Variants in L3MBTL4 observed in about 807,000 individuals in gnomAD.
L3MBTL4 encodes the protein L3MBTL histone methyl-lysine binding protein 4, also known as lethal(3)malignant brain tumor-like protein 4.
A neutral mutation model predicts 84.5 loss-of-function variants in L3MBTL4; 70 were observed. That is an observed-to-expected ratio of 0.83 (90% confidence interval 0.68 to 1.01). The LOEUF is 1.01. L3MBTL4 is among the 50% of genes least tolerant of loss of function. The pLI is 0.00. For missense variants in L3MBTL4, 715 were observed against 754.8 expected (o/e 0.95, Z 0.62); for synonymous variants, 274 against 259.8 (o/e 1.05, Z -0.52).
At chr18:6,006,085 T>C (rs1332573107) in intron 16 of L3MBTL4, among the ~76,000 whole-genome samples, 2 of 152,162 alleles carry the variant, frequency 1.3e-5, no homozygotes, top group African/African-American at 4.8e-5. Flanking sequence ...GAATGAATTT[T>C]ATGTCTAAGT....
intron 1 of L3MBTL4, among the ~76,000 whole-genome samples, chr18:6,371,267 T>C (rs868801890): frequency 6.6e-6 from 1 of 152,300 alleles, no homozygotes; most frequent in Middle Eastern, 3.4e-3. Context: ...CTTACACCTG[T>C]ACTGTGAGCT....
intron 10 of L3MBTL4, among the ~76,000 whole-genome samples, chr18:6,223,525 T>C (rs1393608348): frequency 6.6e-6 from 1 of 151,932 alleles, no homozygotes; most frequent in African/African-American, 2.4e-5. Flanking sequence ...GCACAAACAA[T>C]GACAAAAAAA....
At chr18:6,158,868 G>T (rs485556) in intron 13 of L3MBTL4, among the ~76,000 whole-genome samples, 1 of 152,180 alleles carries the variant, frequency 6.6e-6, no homozygotes, top group Admixed American at 6.5e-5. Context: ...TAGGTGAGCA[G>T]AAATCTGGTG....
intron 1 of L3MBTL4, chr18:6,326,455 G>A (rs16949921): frequency 0.2 from 30,591 of 152,170 alleles, 3,965 homozygotes; most frequent in African/African-American, 0.37. Context: ...TCTTGCTAGA[G>A]TCTCTGTCCC....
intron 3 of L3MBTL4, among the ~76,000 whole-genome samples, chr18:6,304,074 C>G (rs2050471798): frequency 6.6e-6 from 1 of 150,950 alleles, no homozygotes; most frequent in African/African-American, 2.4e-5. Context: ...AGCTCTAAAC[C>G]AGGTTTTCAA....
At chr18:6,242,724 T>C (rs1421258135) in intron 7 of L3MBTL4, among the ~76,000 whole-genome samples, 1 of 152,232 alleles carries the variant, frequency 6.6e-6, no homozygotes, top group East Asian at 1.9e-4. Context: ...CCCGTCAGCA[T>C]CATCCTTGAC....
At chr18:6,325,803 T>A (rs2051686080) in intron 1 of L3MBTL4, among the ~76,000 whole-genome samples, 1 of 152,220 alleles carries the variant, frequency 6.6e-6, no homozygotes, top group African/African-American at 2.4e-5. Flanking sequence ...TTAAAGTCCT[T>A]TGAAATGGTG....
At chr18:6,375,478 A>T (rs1457201914) in intron 1 of L3MBTL4, among the ~76,000 whole-genome samples, 1 of 151,888 alleles carries the variant, frequency 6.6e-6, no homozygotes, top group Non-Finnish European at 1.5e-5. Flanking sequence ...TGTAAATGTC[A>T]TTTCCTTGGA....
rs186135927 is a variant in L3MBTL4, at chr18:6,070,544, G to A, written c.1444+10337C>T. On this transcript the variant is annotated intron_variant, in intron 16 of 18. Transcript: ENST00000317931. ...AAAAAAAAAATCAGCTAGGCCAAGC[G>A]CAGTGGCTCATGTGTGTAATCCCAC... Among the ~76,000 whole-genome samples the A allele has an allele frequency of 4.4e-3, 639 of 144,074 alleles. 4 individuals carry two copies. The highest frequency in any genetic ancestry group is 0.015 in the African/African-American group (585 of 38,126). The allele number at this position is 144,074 out of a possible 152,430, so 94.5% of individuals were successfully genotyped here. A position where few individuals can be genotyped will look rare whatever the true frequency, so the allele number is the denominator to read the frequency against.
chr18:5,977,508 C>A (rs2053003353), intron 16 of L3MBTL4, among the ~76,000 whole-genome samples: 1 of 152,178 alleles, frequency 6.6e-6, no homozygotes, highest in Non-Finnish European at 1.5e-5. Context: ...CAGGCTCTTG[C>A]AAGGGGCTGA....
At chr18:6,000,366 C>T (rs1049046817) in intron 16 of L3MBTL4, among the ~76,000 whole-genome samples, 2 of 151,714 alleles carry the variant, frequency 1.3e-5, no homozygotes, top group South Asian at 2.1e-4. Flanking sequence ...AAAGGCAATG[C>T]AGAACTCCAG....
At chr18:6,042,563 T>G (rs2145726794) in intron 16 of L3MBTL4, among the ~76,000 whole-genome samples, 1 of 152,314 alleles carries the variant, frequency 6.6e-6, no homozygotes. Context: ...TCCAACACAA[T>G]GGGTTTTCCG....
At chr18:6,074,268 C>T (rs1474327720) in intron 16 of L3MBTL4, among the ~76,000 whole-genome samples, 4 of 152,138 alleles carry the variant, frequency 2.6e-5, no homozygotes, top group Admixed American at 2.6e-4. Context: ...TGTTTACATT[C>T]GATTAGAATT....
intron 16 of L3MBTL4, among the ~76,000 whole-genome samples, chr18:6,076,840 C>A (rs1451097133): frequency 6.6e-6 from 1 of 152,026 alleles, no homozygotes; most frequent in Non-Finnish European, 1.5e-5. Context: ...TAAAAAGAAA[C>A]AACTTTCTAG....
At chr18:6,034,044 A>G (rs1024123356) in intron 16 of L3MBTL4, among the ~76,000 whole-genome samples, 7 of 152,022 alleles carry the variant, frequency 4.6e-5, no homozygotes, top group Non-Finnish European at 1.0e-4. Context: ...TTTTCATTTC[A>G]ATGTGCAGGA....
intron 13 of L3MBTL4, among the ~76,000 whole-genome samples, chr18:6,155,866 T>C (rs538579877): frequency 6.6e-6 from 1 of 152,272 alleles, no homozygotes; most frequent in East Asian, 1.9e-4. Flanking sequence ...TGCAAATACA[T>C]AATGTTTACA....
At chr18:6,385,455 G>A (rs1716389893) in intron 1 of L3MBTL4, among the ~76,000 whole-genome samples, 1 of 151,912 alleles carries the variant, frequency 6.6e-6, no homozygotes, top group African/African-American at 2.4e-5. Flanking sequence ...TAACAGAAGA[G>A]GTAAAGATTC....
intron 17 of L3MBTL4, among the ~76,000 whole-genome samples, chr18:5,966,712 C>T (rs570721281): frequency 6.6e-5 from 10 of 152,296 alleles, no homozygotes; most frequent in Admixed American, 5.2e-4. Context: ...CGTTATCCTC[C>T]TGGCCCCAAA....
rs1485813139 is a variant in L3MBTL4 at position 5,955,218 on chromosome 18, A to C, written c.*1002T>G. On this transcript the variant is annotated 3_prime_UTR_variant, in exon 19 of 19. Transcript: ENST00000317931. ...TTACAAAAAACAAATAAGGCCTGAC[A>C]ACAAATCGGAATGTTTCAAACAAAG... The C allele has an allele frequency of 6.6e-6, 1 of 152,222 alleles. No homozygotes were observed. Among genetic ancestry groups the C allele is most frequent in the East Asian group, 1.9e-4 (1 of 5,196 alleles). 9.4% of individuals were successfully genotyped at this position (152,222 alleles called of 1,614,324 possible).
Sources: gnomAD v4.1 joint callset for allele counts (sites outside exome capture counted in the v4.1 genomes callset) on GRCh38, gnomAD v4.1.1 for gene constraint, MANE v1.5 for transcripts, NCBI Gene and HGNC (gene_info 2026-07-23, HGNC 2026-07-21) for gene names.